The following DCAF7 variants were observed in gnomAD, a reference collection of about 807,000 sequenced individuals.
DCAF7 encodes DDB1- and CUL4-associated factor 7.
A neutral mutation model predicts 41.2 loss-of-function variants in DCAF7; 4 were observed. The ratio of observed to expected loss-of-function variants is 0.10; its 90% CI spans 0.05 to 0.22. The LOEUF is 0.22. DCAF7 is among the 10% of genes least tolerant of loss of function. The probability of loss-of-function intolerance (pLI) is 1.00; values close to 1 mark genes in which losing one functional copy is unlikely to be tolerated. For synonymous variants in DCAF7, 143 were observed against 164.2 expected (o/e 0.87, Z 0.99); for missense variants, 131 against 443.2 (o/e 0.30, Z 6.32).
chr17:63,563,843 AAAT>A (rs1189545776), intron 1 of DCAF7, among the ~76,000 whole-genome samples: 1 of 147,614 alleles, frequency 6.8e-6, no homozygotes, highest in African/African-American at 2.6e-5. Context: ...ATAAATAAAT[AAAT>A]AATAAAAATA....
chr17:63,559,332 TAC>T (rs1555680807), intron 1 of DCAF7, among the ~76,000 whole-genome samples: 76 of 74,812 alleles, frequency 1.0e-3, no homozygotes, highest in African/African-American at 5.0e-3. Flanking sequence ...TATATATATA[TAC>T]ATACATATAT....
At chr17:63,559,658 C>T (rs1001465836) in intron 1 of DCAF7, among the ~76,000 whole-genome samples, 7 of 150,922 alleles carry the variant, frequency 4.6e-5, no homozygotes, top group African/African-American at 1.7e-4. Flanking sequence ...AAAAAGTAGC[C>T]GGGCATGGTG....
chr17:63,585,472 G>T, intron 6 of DCAF7, 144 bp downstream of exon 6: 1 of 713,400 alleles, frequency 1.4e-6, no homozygotes. Flanking sequence ...CTCCACACTT[G>T]TGAAATTCAA....
At chr17:63,580,181 A>G (rs920494552) in intron 4 of DCAF7, among the ~76,000 whole-genome samples, 10 of 152,256 alleles carry the variant, frequency 6.6e-5, no homozygotes, top group African/African-American at 2.4e-4. Flanking sequence ...TGTTCTTTTC[A>G]TGCCAGAGGT....
Position 63,550,758 on chromosome 17 carries a change from G to T in DCAF7, c.81G>T (p.Arg27=), listed in dbSNP as rs371085501. 8 of 1,613,930 alleles carry T rather than the reference G, an allele frequency of 5.0e-6. No individual in the cohort carries two copies. Among genetic ancestry groups the T allele is most frequent in the South Asian group, 1.1e-5 (1 of 91,090 alleles). Residue 27 remains arginine (R), a synonymous_variant, in exon 1 of 7, where the codon CGG becomes CGT. Transcript: ENST00000614556. The surrounding 1 kb of genome is among the most constrained non-coding windows in gnomAD (Gnocchi z 4.8). ...WTVYAMNWSV[R]PDKRFRLALG... ...TCTACGCGATGAACTGGAGTGTGCG[G>T]CCCGATAAGCGCTTTCGCTTGGCGC...
intron 4 of DCAF7, among the ~76,000 whole-genome samples, chr17:63,581,740 T>G (rs1321267789): frequency 1.3e-5 from 2 of 152,174 alleles, no homozygotes; most frequent in African/African-American, 4.8e-5. Context: ...CAGCCTTGTC[T>G]TGAAGGAATA....
chr17:63,565,288 T>A (rs531221442), intron 1 of DCAF7, among the ~76,000 whole-genome samples: 3 of 152,164 alleles, frequency 2.0e-5, no homozygotes, highest in African/African-American at 7.2e-5. Flanking sequence ...AAAATAGAGC[T>A]TTGTGGCCGG....
At chr17:63,554,161 C>T (rs1369499872) in intron 1 of DCAF7, among the ~76,000 whole-genome samples, 4 of 152,182 alleles carry the variant, frequency 2.6e-5, no homozygotes, top group South Asian at 2.1e-4. Context: ...GCCAAGATCA[C>T]GCCACTGCAC....
At chr17:63,579,095 A>G (rs1470156534) in intron 2 of DCAF7, among the ~76,000 whole-genome samples, 1 of 152,154 alleles carries the variant, frequency 6.6e-6, no homozygotes, top group Non-Finnish European at 1.5e-5. Context: ...GGCTGGGCAA[A>G]GTGAGAAGAC....
intron 1 of DCAF7, among the ~76,000 whole-genome samples, chr17:63,560,918 A>C (rs1338338721): frequency 6.6e-6 from 1 of 152,242 alleles, no homozygotes. Context: ...ATGTTGAAAC[A>C]AAAGGAAATA....
chr17:63,589,358 T>C lies in DCAF7; in HGVS notation c.*186T>C. ...CCATCGCCCTCTGTGGCAGACTCAG[T>C]GCTGTGTGGCGCCTCCTCAGCCCAG... On this transcript the variant is annotated 3_prime_UTR_variant, in exon 7 of 7. Transcript: ENST00000614556. 1.3e-6 allele frequency: 1 copy of C among 788,654 alleles called. No individual in the cohort carries two copies. The highest frequency in any genetic ancestry group is 1.5e-5 in the South Asian group (1 of 68,528). The allele number at this position is 788,654 out of a possible 1,614,324, so 48.9% of individuals were successfully genotyped here.
intron 3 of DCAF7, 113 bp downstream of exon 3, chr17:63,579,561 C>A: frequency 1.3e-6 from 1 of 777,730 alleles, no homozygotes; most frequent in Non-Finnish European, 2.1e-6. Flanking sequence ...GTAGGCTAGG[C>A]GTGGAATGTG....
intron 6 of DCAF7, among the ~76,000 whole-genome samples, chr17:63,586,630 C>T (rs2147778850): frequency 6.6e-6 from 1 of 151,598 alleles, no homozygotes; most frequent in South Asian, 2.1e-4. Flanking sequence ...GGCGTGGTGG[C>T]ACATGCCTGT....
At chr17:63,553,232 G>T (rs927390407) in intron 1 of DCAF7, among the ~76,000 whole-genome samples, 1 of 152,086 alleles carries the variant, frequency 6.6e-6, no homozygotes, top group Non-Finnish European at 1.5e-5. Context: ...GGTGACAAGG[G>T]TAAACAGCAT....
At position 63,552,079 on chromosome 17, in the gene DCAF7, GA is replaced by G. The variant is rs552962525; in HGVS notation, c.138+1273del. Among the ~76,000 whole-genome samples, 7 of 150,448 alleles carry G rather than the reference GA, an allele frequency of 4.7e-5. No individual in the cohort carries two copies. The South Asian group carries it at 8.5e-4, about 18-fold the overall frequency. On this transcript the variant is annotated intron_variant, in intron 1 of 6. Transcript: ENST00000614556. ...GGCGACAGAGTGAGACTCTGTCTCA[GA>G]AAAAAAAAGAAGAATAAAACTGTTC... is the stretch of plus-strand genomic sequence containing the variant.
chr17:63,563,806 T>G (rs981242218), intron 1 of DCAF7, among the ~76,000 whole-genome samples: 3 of 148,816 alleles, frequency 2.0e-5, no homozygotes, highest in African/African-American at 7.6e-5. Flanking sequence ...CAGAGTGAGA[T>G]TCTGTCTCAA....
intron 1 of DCAF7, among the ~76,000 whole-genome samples, chr17:63,565,084 G>A (rs2033426401): frequency 6.6e-6 from 1 of 152,208 alleles, no homozygotes; most frequent in Non-Finnish European, 1.5e-5. Flanking sequence ...GCTGTGGTAA[G>A]CTATGATCAT....
At position 63,555,709 on chromosome 17, in the gene DCAF7, C is replaced by G. The variant is rs530657361; in HGVS notation, c.138+4894C>G. ...GGGGAATTTAAGACATAAAACTCTT[C>G]TGGTTTTAACTTCCTCCTTTTTCTA... On this transcript the variant is annotated intron_variant, in intron 1 of 6. Transcript: ENST00000614556. 8.1e-4 allele frequency among the ~76,000 whole-genome samples: 124 copies of G among 152,190 alleles called. 1 individual carries two copies. Among genetic ancestry groups the G allele is most frequent in the Non-Finnish European group, 1.4e-3 (96 of 68,038 alleles).
chr17:63,569,572 G>A (rs190662732), intron 1 of DCAF7, among the ~76,000 whole-genome samples: 1 of 152,042 alleles, frequency 6.6e-6, no homozygotes, highest in Non-Finnish European at 1.5e-5. Flanking sequence ...CACTTTGGTG[G>A]TTTTTTGTTT....
Sources: allele counts gnomAD v4.1 joint callset (sites outside exome capture counted in the v4.1 genomes callset), GRCh38; gene constraint gnomAD v4.1.1; non-coding constraint Gnocchi (gnomAD v3.1); transcripts MANE v1.5; gene names NCBI Gene and HGNC (gene_info 2026-07-23, HGNC 2026-07-21).